The following HDAC9 variants were observed in gnomAD, a reference collection of about 807,000 sequenced individuals.
HDAC9 encodes MEF-2 interacting transcription repressor (MITR) protein.
HDAC9 carries 41 observed loss-of-function variants against 139.4 expected under a neutral mutation model. The observed-to-expected ratio is 0.29, with a 90% confidence interval of 0.23 to 0.38. HDAC9 has a LOEUF of 0.38. HDAC9 is among the 10% of genes least tolerant of loss of function. The pLI is 1.00. For missense variants in HDAC9, 1,147 were observed against 1,297.0 expected, an observed-to-expected ratio of 0.88 and a Z score of 1.78; for synonymous variants, 517 against 476.2, an observed-to-expected ratio of 1.09 and a Z score of -1.12.
At chr7:18,411,224 A>G (rs1181591612) in intron 1 of HDAC9, among the ~76,000 whole-genome samples, 1 of 152,178 alleles carries the variant, frequency 6.6e-6, no homozygotes, top group Non-Finnish European at 1.5e-5. Flanking sequence ...ATATATAGAT[A>G]GTCCCCGATG....
chr7:18,391,205 T>A (rs544173341), intron 1 of HDAC9, among the ~76,000 whole-genome samples: 11 of 151,820 alleles, frequency 7.2e-5, no homozygotes, highest in African/African-American at 2.7e-4. Context: ...GCCAACATGG[T>A]GAAACCCCGT....
At chr7:18,334,180 T>C (rs974520551) in intron 1 of HDAC9, among the ~76,000 whole-genome samples, 1 of 151,490 alleles carries the variant, frequency 6.6e-6, no homozygotes, top group South Asian at 2.1e-4. Flanking sequence ...TTTGAAGGTC[T>C]CATACTCCTG....
At chr7:18,212,122 A>G (rs1484726966) in intron 2 of HDAC9, among the ~76,000 whole-genome samples, 1 of 152,152 alleles carries the variant, frequency 6.6e-6, no homozygotes, top group Non-Finnish European at 1.5e-5. Context: ...TCCAGCACCT[A>G]TGTCTGACTT....
upstream of HDAC9, chr7:18,290,403 C>A: frequency 2.2e-6 from 1 of 452,116 alleles, no homozygotes; most frequent in Non-Finnish European, 4.4e-6. Context: ...CTAACCACTT[C>A]CCTTCCTTGT....
chr7:18,179,908 C>G (rs567393602), intron 2 of HDAC9, among the ~76,000 whole-genome samples: 1 of 152,148 alleles, frequency 6.6e-6, no homozygotes, highest in Admixed American at 6.5e-5. Context: ...GTGCTTTTTT[C>G]TCTCAACCGT....
chr7:18,620,418 G>A (rs991975313), intron 6 of HDAC9, among the ~76,000 whole-genome samples: 2 of 151,236 alleles, frequency 1.3e-5, no homozygotes, highest in African/African-American at 2.4e-5. Context: ...AAAAATTTTA[G>A]GAAGTTATTT....
intron 12 of HDAC9, among the ~76,000 whole-genome samples, chr7:18,719,185 T>A (rs1784936929): frequency 6.6e-6 from 1 of 152,180 alleles, no homozygotes; most frequent in South Asian, 2.1e-4. Flanking sequence ...CTTTCCATAT[T>A]CTGGATACAA....
chr7:18,433,433 G>A (rs1162598726), intron 1 of HDAC9, among the ~76,000 whole-genome samples: 1 of 152,164 alleles, frequency 6.6e-6, no homozygotes, highest in Admixed American at 6.5e-5. Flanking sequence ...CATCCAAATA[G>A]GAAGAGAGGA....
rs145158116 is a variant in HDAC9 at position 18,805,679 on chromosome 7, C to A, written c.2322+12227C>A. On this transcript the variant is annotated intron_variant, in intron 17 of 25. Coordinates refer to ENST00000686413, the MANE Select transcript of HDAC9 (RefSeq NM_178425.4). The stretch of plus-strand genomic sequence containing the variant: ...GTCAGCCAGTGAGTGCATGACGCAT[C>A]TCAGTGAACTTAGCAGATACAGGTC... Among the ~76,000 whole-genome samples, 640 of 152,326 alleles carry A rather than the reference C, an allele frequency of 4.2e-3. 7 individuals are homozygous for A. Among genetic ancestry groups the A allele is most frequent in the African/African-American group, 0.014 (597 of 41,568 alleles).
At chr7:18,299,175 T>A (rs1335786200) in intron 1 of HDAC9, among the ~76,000 whole-genome samples, 1 of 152,054 alleles carries the variant, frequency 6.6e-6, no homozygotes, top group South Asian at 2.1e-4. Context: ...TTTTTAAAAA[T>A]TTATTTTAAA....
chr7:18,972,220 G>C (rs1784282613), intron 24 of HDAC9, among the ~76,000 whole-genome samples: 1 of 152,082 alleles, frequency 6.6e-6, no homozygotes, highest in Non-Finnish European at 1.5e-5. Flanking sequence ...AATGAGAGCA[G>C]GAATAAAACT....
At chr7:18,777,528 T>C (rs1168578496) in intron 16 of HDAC9, among the ~76,000 whole-genome samples, 2 of 152,006 alleles carry the variant, frequency 1.3e-5, no homozygotes, top group African/African-American at 4.8e-5. Flanking sequence ...AATTTCTATA[T>C]GCCCAGTTTC....
At chr7:18,763,395 T>C (rs1341283815) in intron 15 of HDAC9, among the ~76,000 whole-genome samples, 2 of 152,154 alleles carry the variant, frequency 1.3e-5, no homozygotes, top group African/African-American at 4.8e-5. Flanking sequence ...TAGCAGTAGC[T>C]TGGGGAGAAG....
At chr7:18,253,377 T>A (rs302138) in intron 2 of HDAC9, among the ~76,000 whole-genome samples, 118,257 of 151,908 alleles carry the variant, frequency 0.78, 46,155 homozygotes, top group South Asian at 0.86. Flanking sequence ...CCAATAGTGT[T>A]TAAGCATTCC....
At chr7:18,655,828 G>A (rs952917159) in intron 11 of HDAC9, among the ~76,000 whole-genome samples, 10 of 152,052 alleles carry the variant, frequency 6.6e-5, no homozygotes, top group African/African-American at 2.2e-4. Context: ...GTAAGAAAAC[G>A]GGGGGAAGAA....
intron 12 of HDAC9, among the ~76,000 whole-genome samples, chr7:18,710,125 G>C (rs2541321): frequency 0.26 from 39,813 of 152,066 alleles, 9,376 homozygotes; most frequent in African/African-American, 0.64. Context: ...GGGGAACTGC[G>C]CTATATAAAA....
At chr7:18,335,192 A>T (rs1010592790) in intron 1 of HDAC9, among the ~76,000 whole-genome samples, 4 of 151,498 alleles carry the variant, frequency 2.6e-5, no homozygotes, top group Non-Finnish European at 5.9e-5. Context: ...CCCTAAGGAG[A>T]TAAATAAAAC....
At chr7:18,292,886 A>T (rs556029053) in intron 1 of HDAC9, among the ~76,000 whole-genome samples, 1 of 152,282 alleles carries the variant, frequency 6.6e-6, no homozygotes, top group Admixed American at 6.5e-5. Flanking sequence ...TATCTTTTAC[A>T]TTACGGGTAC....
intron 2 of HDAC9, among the ~76,000 whole-genome samples, chr7:18,202,978 G>T (rs1015186637): frequency 1.1e-4 from 17 of 152,198 alleles, no homozygotes; most frequent in Admixed American, 1.1e-3. Flanking sequence ...TTAAATGGAT[G>T]AATATATGTA....
Sources: allele counts gnomAD v4.1 joint callset (sites outside exome capture counted in the v4.1 genomes callset), GRCh38; gene constraint gnomAD v4.1.1; transcripts MANE v1.5; gene names NCBI Gene and HGNC (gene_info 2026-07-23, HGNC 2026-07-21).